ZFPM2: variants seen among roughly 807,000 people sequenced by gnomAD.
ZFPM2 encodes zinc finger protein ZFPM2.
A neutral mutation model predicts 98.6 loss-of-function variants in ZFPM2; 20 were observed. The observed-to-expected ratio is 0.20, with a 90% confidence interval of 0.14 to 0.29. The LOEUF (loss-of-function observed/expected upper bound fraction) is 0.29. Ranked by LOEUF, ZFPM2 falls within the 10% of genes least tolerant of loss-of-function variation. The pLI, the probability that ZFPM2 is intolerant of heterozygous loss-of-function variation, is 1.00. For synonymous variants in ZFPM2, 518 were observed against 502.7 expected (o/e 1.03, Z -0.41); for missense variants, 1,310 against 1,388.6 (o/e 0.94, Z 0.90).
chr8:105,719,951 A>C (rs551776815), intron 5 of ZFPM2, among the ~76,000 whole-genome samples: 1 of 152,074 alleles, frequency 6.6e-6, no homozygotes, highest in African/African-American at 2.4e-5. Context: ...TCATTGGATA[A>C]CTTGCATTTA....
chr8:105,419,041 T>G, intron 1 of ZFPM2, 103 bp from the exon 2 acceptor site: 2 of 1,044,134 alleles, frequency 1.9e-6, no homozygotes, highest in Non-Finnish European at 2.8e-6. Context: ...TTAGAGTATA[T>G]TATTTTTCTC....
rs117623264 is a variant in ZFPM2 at position 105,754,191 on chromosome 8, G to A, written c.533-34527G>A. ...AAATTTCCTTTGAGTCCAAAAGCTA[G>A]ACTGGAAATTGGGGCAAATTACAGT... On this transcript the variant is annotated intron_variant, in intron 5 of 7. Coordinates refer to ENST00000407775, the MANE Select transcript of ZFPM2 (RefSeq NM_012082.4). Among the ~76,000 whole-genome samples, 312 of 152,208 alleles carry A rather than the reference G, an allele frequency of 2.0e-3. 1 individual carries two copies. Among genetic ancestry groups the A allele is most frequent in the Non-Finnish European group, 3.5e-3 (241 of 67,996 alleles).
intron 4 of ZFPM2, among the ~76,000 whole-genome samples, chr8:105,578,616 G>C (rs1002865348): frequency 3.9e-5 from 6 of 151,992 alleles, no homozygotes; most frequent in Non-Finnish European, 1.5e-5. Context: ...AATTTACCTA[G>C]TGAACCTAAC....
At chr8:105,455,876 C>T (rs1812579664) in intron 3 of ZFPM2, among the ~76,000 whole-genome samples, 1 of 152,112 alleles carries the variant, frequency 6.6e-6, no homozygotes, top group Non-Finnish European at 1.5e-5. Context: ...TTGAGTAGAA[C>T]ATTGGTAATA....
chr8:105,363,281 A>G (rs1810442658), intron 1 of ZFPM2, among the ~76,000 whole-genome samples: 1 of 152,210 alleles, frequency 6.6e-6, no homozygotes, highest in South Asian at 2.1e-4. Context: ...TATTTAATAG[A>G]AAACATTTTT....
At chr8:105,488,803 A>G (rs1265741945) in intron 3 of ZFPM2, among the ~76,000 whole-genome samples, 1 of 152,112 alleles carries the variant, frequency 6.6e-6, no homozygotes, top group Non-Finnish European at 1.5e-5. Flanking sequence ...GCCCAAAGTA[A>G]AAGAATTGGA....
At chr8:105,525,103 CT>C (rs1814146637) in intron 3 of ZFPM2, among the ~76,000 whole-genome samples, 1 of 152,136 alleles carries the variant, frequency 6.6e-6, no homozygotes, top group Non-Finnish European at 1.5e-5. Context: ...TAATTAAAAC[CT>C]GTTTGTGACC....
intron 5 of ZFPM2, among the ~76,000 whole-genome samples, chr8:105,744,104 TGAAAATG>T (rs1812287593): frequency 1.3e-5 from 2 of 152,196 alleles, no homozygotes; most frequent in African/African-American, 4.8e-5. Context: ...AGGCAAACCG[TGAAAATG>T]ATATCCTAAT....
At chr8:105,596,739 C>CTTTT (rs910632602) in intron 4 of ZFPM2, among the ~76,000 whole-genome samples, 32 of 58,934 alleles carry the variant, frequency 5.4e-4, no homozygotes, top group Non-Finnish European at 6.5e-4. Flanking sequence ...CCTTTGTCTG[C>CTTTT]TTTTTTTTTT....
intron 5 of ZFPM2, among the ~76,000 whole-genome samples, chr8:105,639,483 A>G (rs1328022011): frequency 6.6e-6 from 1 of 152,052 alleles, no homozygotes; most frequent in Non-Finnish European, 1.5e-5. Flanking sequence ...CTCTCACCTC[A>G]ACAACATAAT....
intron 5 of ZFPM2, among the ~76,000 whole-genome samples, chr8:105,734,082 C>T (rs919403216): frequency 6.6e-5 from 10 of 151,930 alleles, no homozygotes; most frequent in African/African-American, 2.4e-4. Flanking sequence ...TCCTTTCTCT[C>T]ATATATCCTC....
chr8:105,768,936 C>G (rs1227787520), intron 5 of ZFPM2, among the ~76,000 whole-genome samples: 5 of 151,840 alleles, frequency 3.3e-5, no homozygotes, highest in Admixed American at 3.3e-4. Context: ...TCCAGAAACC[C>G]CCCCATGGTT....
At chr8:105,450,939 T>C (rs1812472961) in intron 3 of ZFPM2, among the ~76,000 whole-genome samples, 1 of 151,896 alleles carries the variant, frequency 6.6e-6, no homozygotes, top group Non-Finnish European at 1.5e-5. Flanking sequence ...CTACTCCAGT[T>C]TGCACTCTCA....
intron 3 of ZFPM2, among the ~76,000 whole-genome samples, chr8:105,472,887 AC>A (rs1305368602): frequency 3.1e-5 from 3 of 95,916 alleles, no homozygotes; most frequent in Admixed American, 1.2e-4. Context: ...TCCTAAAGGG[AC>A]CTTTTTTTTT....
intron 5 of ZFPM2, among the ~76,000 whole-genome samples, chr8:105,694,892 G>A (rs1377726511): frequency 6.6e-6 from 1 of 152,016 alleles, no homozygotes; most frequent in Non-Finnish European, 1.5e-5. Context: ...TGGTATTCTA[G>A]CATATTAACA....
At chr8:105,632,143 GGTTTT>G (rs201913090) in intron 4 of ZFPM2, among the ~76,000 whole-genome samples, 1,826 of 151,712 alleles carry the variant, frequency 0.012, 29 homozygotes, top group African/African-American at 0.041. Flanking sequence ...GATCCTTTGG[GGTTTT>G]GTTTTGTTTT....
At chr8:105,507,168 C>A (rs1813720400) in intron 3 of ZFPM2, among the ~76,000 whole-genome samples, 1 of 152,132 alleles carries the variant, frequency 6.6e-6, no homozygotes, top group South Asian at 2.1e-4. Flanking sequence ...CCTAAAGATC[C>A]TGAATACAGT....
intron 4 of ZFPM2, among the ~76,000 whole-genome samples, chr8:105,579,311 A>C (rs1367620750): frequency 6.6e-6 from 1 of 152,178 alleles, no homozygotes; most frequent in Non-Finnish European, 1.5e-5. Context: ...TCAAGTTAGA[A>C]AGTAAAAACT....
chr8:105,680,957 A>T (rs1810586532), intron 5 of ZFPM2, among the ~76,000 whole-genome samples: 1 of 152,210 alleles, frequency 6.6e-6, no homozygotes, highest in Admixed American at 6.5e-5. Flanking sequence ...CCACAAATAC[A>T]AAAAAGCATC....
Sources: allele counts gnomAD v4.1 joint callset (sites outside exome capture counted in the v4.1 genomes callset), GRCh38; gene constraint gnomAD v4.1.1; transcripts MANE v1.5; gene names NCBI Gene and HGNC (gene_info 2026-07-23, HGNC 2026-07-21).